Variants in IL17RA observed in about 807,000 individuals in gnomAD.
IL17RA encodes the protein interleukin 17 receptor A, also known as interleukin-17 receptor A.
IL17RA carries 34 observed loss-of-function variants against 50.4 expected under a neutral mutation model. The ratio of observed to expected loss-of-function variants is 0.67; its 90% CI spans 0.51 to 0.90. The LOEUF (loss-of-function observed/expected upper bound fraction) is 0.90, where lower values mean the gene tolerates loss of function less well. Ranked by LOEUF, IL17RA falls within the 40% of genes least tolerant of loss-of-function variation. The probability of loss-of-function intolerance (pLI) is 0.00; values close to 1 mark genes in which losing one functional copy is unlikely to be tolerated. For synonymous variants in IL17RA, 585 were observed against 510.4 expected (o/e 1.15, Z -1.97); for missense variants, 1,276 against 1,169.8 (o/e 1.09, Z -1.32).
intron 9 of IL17RA, 138 bp downstream of exon 9, chr22:17,104,948 G>C: frequency 1.3e-6 from 1 of 799,232 alleles, no homozygotes; most frequent in Non-Finnish European, 2.1e-6. Context: ...CTTCAGGCCT[G>C]AAGTGTGGAG....
intron 5 of IL17RA, 35 bp from the exon 6 acceptor site, chr22:17,101,961 A>G: frequency 1.9e-6 from 3 of 1,613,810 alleles, no homozygotes; most frequent in Non-Finnish European, 2.5e-6. Context: ...CTGAAGGCAG[A>G]GGCTTAATGA....
chr22:17,108,268 C>T, intron 12 of IL17RA, 39 bp from the exon 13 acceptor site: 1 of 1,607,812 alleles, frequency 6.2e-7, no homozygotes, highest in African/African-American at 1.3e-5. Flanking sequence ...GCCCTGGGCC[C>T]TGGGGTGAGG....
chr22:17,085,061 G>A lies in IL17RA; in HGVS notation c.-31G>A, dbSNP rs1247319993. On this transcript the variant is annotated 5_prime_UTR_variant, in exon 1 of 13. Transcript: ENST00000319363. Reference sequence around the variant, plus strand: ...CGTTCGTTCGCTGCGTCCCCAGCCGGGGCCGAGCCCTCCGCGACGCCAGCC... The same window carrying A: ...CGTTCGTTCGCTGCGTCCCCAGCCGAGGCCGAGCCCTCCGCGACGCCAGCC... The A allele has an allele frequency of 1.5e-6, 2 of 1,294,048 alleles. No individual in the cohort carries two copies. 80.2% of individuals were successfully genotyped at this position (1,294,048 alleles called of 1,614,324 possible). A position where few individuals can be genotyped will look rare whatever the true frequency, so the allele number is the denominator to read the frequency against.
chr22:17,086,796 T>C (rs1028692895), intron 1 of IL17RA, among the ~76,000 whole-genome samples: 3 of 151,958 alleles, frequency 2.0e-5, no homozygotes, highest in Non-Finnish European at 4.4e-5. Flanking sequence ...TTCCAGGTGG[T>C]GGAAAGGGCC....
chr22:17,111,723 T>G lies in IL17RA; in HGVS notation c.*1903T>G, dbSNP rs2061443607. ...TGACAGGAGAGCAAACAGGACAGTT[T>G]GCATGTGTGTGTGCGCACACATACA... On this transcript the variant is annotated 3_prime_UTR_variant, in exon 13 of 13. Transcript: ENST00000319363. 6.6e-6 allele frequency: 1 copy of G among 152,204 alleles called. No homozygotes were observed. 9.4% of individuals were successfully genotyped at this position (152,204 alleles called of 1,614,324 possible).
chr22:17,113,133 G>C lies in IL17RA; in HGVS notation c.*3313G>C, dbSNP rs1229151528. The C allele has an allele frequency of 1.3e-5, 2 of 152,030 alleles. No individual in the cohort carries two copies. The highest frequency in any genetic ancestry group is 2.9e-5 in the Non-Finnish European group (2 of 68,026). The allele number at this position is 152,030 out of a possible 1,614,324, so 9.4% of individuals were successfully genotyped here. A position where few individuals can be genotyped will look rare whatever the true frequency, so the allele number is the denominator to read the frequency against. On this transcript the variant is annotated 3_prime_UTR_variant, in exon 13 of 13. Transcript: ENST00000319363. ...CTCTGAAACATCCATTCAGCAGTTT[G>C]AGCTGGGATCTCTGAATGCAAGGGT...
intron 10 of IL17RA, 72 bp downstream of exon 10, chr22:17,105,674 C>T: frequency 6.4e-7 from 1 of 1,558,688 alleles, no homozygotes; most frequent in Non-Finnish European, 8.8e-7. Context: ...TTGAGAAGTC[C>T]CTGCCTCAGC....
intron 1 of IL17RA, among the ~76,000 whole-genome samples, chr22:17,089,863 A>C (rs1288683006): frequency 1.5e-4 from 23 of 150,892 alleles, no homozygotes; most frequent in African/African-American, 5.7e-4. Flanking sequence ...CCTGTCTCAA[A>C]AAACAAACAA....
chr22:17,085,228 C>A lies in IL17RA; in HGVS notation c.137C>A (p.Pro46Gln). ...LDHRALVCSQ[P>Q]GLNCTVKNST... ...CACCGGGCGCTGGTCTGCTCCCAGC[C>A]GGTGAGACTCGACGTGGGGAGCGGT... The change falls in exon 1 of 13, where the codon CCG (proline) becomes CAG (glutamine). Residue 46 changes from proline (P) to glutamine (Q), a missense_variant and splice_region_variant. Transcript: ENST00000319363. The A allele has an allele frequency of 6.5e-7, 1 of 1,538,270 alleles. No individual in the cohort carries two copies. The highest frequency in any genetic ancestry group is 2.0e-4 in the Middle Eastern group (1 of 4,942).
intron 5 of IL17RA, 92 bp from the exon 6 acceptor site, chr22:17,101,904 G>A: frequency 6.5e-7 from 1 of 1,529,988 alleles, no homozygotes; most frequent in Non-Finnish European, 9.0e-7. Context: ...CTCCCAGTGG[G>A]GAAAAGATTG....
At position 17,109,364 on chromosome 22, in the gene IL17RA, C is replaced by T. The variant is rs1198727281; in HGVS notation, c.2145C>T (p.Ser715=). The change falls in exon 13 of 13, where the codon AGC becomes AGT. Residue 715 remains serine, a synonymous_variant. Transcript: ENST00000319363. ...GCAGCCCGGGCGCTGGGCGAAATAG[C>T]GTCCTCTTCCTCCCCGTGGACCCCG... ...LLGSPGAGRN[S]VLFLPVDPED... 1.9e-6 allele frequency: 3 copies of T among 1,608,096 alleles called. No individual in the cohort carries two copies. The highest frequency in any genetic ancestry group is 4.5e-5 in the East Asian group (2 of 44,828).
At chr22:17,101,317 G>A (rs1267694829) in intron 5 of IL17RA, among the ~76,000 whole-genome samples, 2 of 152,192 alleles carry the variant, frequency 1.3e-5, no homozygotes, top group East Asian at 1.9e-4. Context: ...TGCTTGTTAA[G>A]GATGGTGTTG....
chr22:17,095,779 A>G (rs1490762564), intron 1 of IL17RA, among the ~76,000 whole-genome samples: 1 of 152,106 alleles, frequency 6.6e-6, no homozygotes, highest in Non-Finnish European at 1.5e-5. Flanking sequence ...CTAGCCCGGG[A>G]CCTGTAGGGG....
At position 17,108,571 on chromosome 22, in the gene IL17RA, C is replaced by A; in HGVS notation, c.1352C>A (p.Thr451Lys). Residue 451 changes from threonine to lysine, a missense_variant, in exon 13 of 13, where the codon ACG (threonine) becomes AAG (lysine). Transcript: ENST00000319363. The part of the protein sequence containing the change: ...SKIIVLCSRG[T>K]RAKWQALLGR... ...ATCATCGTCCTGTGCTCCCGCGGCACGCGCGCCAAGTGGCAGGCGCTCCTG... is the reference window on the plus strand; with the variant it reads ...ATCATCGTCCTGTGCTCCCGCGGCAAGCGCGCCAAGTGGCAGGCGCTCCTG... 6.2e-7 allele frequency: 1 copy of A among 1,606,848 alleles called. No individual in the cohort carries two copies. The highest frequency in any genetic ancestry group is 8.5e-7 in the Non-Finnish European group (1 of 1,179,950).
At position 17,111,183 on chromosome 22, in the gene IL17RA, AG is replaced by A. The variant is rs750977946; in HGVS notation, c.*1365del. 1.3e-5 allele frequency: 2 copies of A among 152,238 alleles called. No individual in the cohort carries two copies. Among genetic ancestry groups the A allele is most frequent in the Non-Finnish European group, 2.9e-5 (2 of 68,096 alleles). The allele number at this position is 152,238 out of a possible 1,614,324, so 9.4% of individuals were successfully genotyped here. A position where few individuals can be genotyped will look rare whatever the true frequency, so the allele number is the denominator to read the frequency against. ...GTCTGATGAGCCTCTGCATGGAGAG[AG>A]GCTGAGGGCTAAACACAGCTGGATG... On this transcript the variant is annotated 3_prime_UTR_variant, in exon 13 of 13. Transcript: ENST00000319363.
intron 10 of IL17RA, 121 bp from the exon 11 acceptor site, chr22:17,105,732 C>A: frequency 7.2e-7 from 1 of 1,396,980 alleles, no homozygotes; most frequent in Non-Finnish European, 1.0e-6. Flanking sequence ...GGGGGTGAGA[C>A]CATGGTTTGT....
At chr22:17,105,464 TG>T in intron 9 of IL17RA, 126 bp from the exon 10 acceptor site, 1 of 921,152 alleles carries the variant, frequency 1.1e-6, no homozygotes, top group Non-Finnish European at 1.8e-6. Context: ...AAGTTCAACC[TG>T]GATCTAGAGT....
chr22:17,102,638 G>C (rs1401351373), intron 7 of IL17RA, among the ~76,000 whole-genome samples: 1 of 152,030 alleles, frequency 6.6e-6, no homozygotes, highest in Non-Finnish European at 1.5e-5. Context: ...GAGACAAAGG[G>C]GAACTAAAGA....
In IL17RA at chr22:17,109,954, G is replaced by A. The variant is rs2061433933; in HGVS notation, c.*134G>A. ...GTAGGCTTTAAAATGTAAATGTCTG[G>A]ATTTTAATCCCAGGCATCCCTCCTA... On this transcript the variant is annotated 3_prime_UTR_variant, in exon 13 of 13. Transcript: ENST00000319363. The A allele has an allele frequency of 3.3e-6, 3 of 910,828 alleles. No individual in the cohort carries two copies. Among genetic ancestry groups the A allele is most frequent in the South Asian group, 1.6e-5 (1 of 61,024 alleles). The allele number at this position is 910,828 out of a possible 1,614,324, so 56.4% of individuals were successfully genotyped here. A position where few individuals can be genotyped will look rare whatever the true frequency, so the allele number is the denominator to read the frequency against.
Sources: gnomAD v4.1 joint callset for allele counts (sites outside exome capture counted in the v4.1 genomes callset) on GRCh38, gnomAD v4.1.1 for gene constraint, MANE v1.5 for transcripts, NCBI Gene and HGNC (gene_info 2026-07-23, HGNC 2026-07-21) for gene names.